The following TNS3 variants were observed in gnomAD, a reference collection of about 807,000 sequenced individuals.
The protein encoded by TNS3 is tensin-3.
TNS3 carries 45 observed loss-of-function variants against 140.9 expected under a neutral mutation model. The observed-to-expected ratio is 0.32, with a 90% CI of 0.25 to 0.41. The LOEUF (loss-of-function observed/expected upper bound fraction) is 0.41, where lower values mean the gene tolerates loss of function less well. Ranked by LOEUF, TNS3 falls within the 10% of genes least tolerant of loss-of-function variation. The probability of loss-of-function intolerance (pLI) is 1.00; values close to 1 mark genes in which losing one functional copy is unlikely to be tolerated. For missense variants in TNS3, 1,716 were observed against 1,906.7 expected, an observed-to-expected ratio of 0.90 and a Z score of 1.86; for synonymous variants, 815 against 788.4, an observed-to-expected ratio of 1.03 and a Z score of -0.56.
chr7:47,466,043 T>C (rs1796699446), intron 4 of TNS3, among the ~76,000 whole-genome samples: 1 of 152,202 alleles, frequency 6.6e-6, no homozygotes, highest in Admixed American at 6.5e-5. Flanking sequence ...ATCTAATTCA[T>C]GTTCAAATTT....
intron 2 of TNS3, among the ~76,000 whole-genome samples, chr7:47,526,502 C>T (rs147513886): frequency 5.1e-4 from 77 of 152,366 alleles, no homozygotes; most frequent in Non-Finnish European, 9.6e-4. Flanking sequence ...GCCCTTGGAA[C>T]AGCCCTTACC....
intron 20 of TNS3, among the ~76,000 whole-genome samples, chr7:47,306,915 T>C (rs1786792853): frequency 6.6e-6 from 1 of 152,218 alleles, no homozygotes; most frequent in Non-Finnish European, 1.5e-5. Flanking sequence ...ACAAAATGTC[T>C]GGAGTTATGC....
At chr7:47,464,263 A>G (rs962676808) in intron 4 of TNS3, among the ~76,000 whole-genome samples, 4 of 152,200 alleles carry the variant, frequency 2.6e-5, no homozygotes, top group Non-Finnish European at 5.9e-5. Context: ...TTCTAGGCAA[A>G]CACACTGAGG....
rs200370598 is a variant in TNS3, at chr7:47,411,800, T to C, written c.650A>G (p.Asn217Ser). 101 of 1,613,248 alleles carry C rather than the reference T, an allele frequency of 6.3e-5. No individual in the cohort carries two copies. The highest frequency in any genetic ancestry group is 1.7e-4 in the African/African-American group (13 of 74,894). Residue 217 changes from asparagine (N) to serine (S), a missense_variant and splice_region_variant, in exon 13 of 31, where the codon AAC becomes AGC. Coordinates refer to ENST00000311160, the MANE Select transcript of TNS3 (RefSeq NM_022748.12). ...MQPVYTSGIY[N>S]VGPENPSRIC... is the part of the protein sequence containing the mutation. Reference sequence around the variant, plus strand: ...CCTGCTGGGGTTTTCTGGGCCAACGTTGCTTTGGGATGAAGAAGAAGGTAG... The same window carrying C: ...CCTGCTGGGGTTTTCTGGGCCAACGCTGCTTTGGGATGAAGAAGAAGGTAG...
At chr7:47,560,488 A>G (rs1034342807) in intron 1 of TNS3, among the ~76,000 whole-genome samples, 12 of 152,126 alleles carry the variant, frequency 7.9e-5, no homozygotes, top group African/African-American at 2.4e-4. Flanking sequence ...TCTTCCATAA[A>G]TCTGCCCAAC....
intron 1 of TNS3, among the ~76,000 whole-genome samples, chr7:47,565,430 A>G (rs1800408875): frequency 6.7e-6 from 1 of 149,768 alleles, no homozygotes; most frequent in South Asian, 2.1e-4. Flanking sequence ...GCAGTGGTGC[A>G]ATTTCAGCTA....
At chr7:47,565,972 C>A (rs1285978305) in intron 1 of TNS3, among the ~76,000 whole-genome samples, 1 of 152,112 alleles carries the variant, frequency 6.6e-6, no homozygotes, top group Non-Finnish European at 1.5e-5. Flanking sequence ...TGCAAAGCCA[C>A]ATGGAACTTT....
At chr7:47,301,513 C>T (rs1323614248) in intron 23 of TNS3, among the ~76,000 whole-genome samples, 6 of 152,062 alleles carry the variant, frequency 3.9e-5, no homozygotes, top group Non-Finnish European at 8.8e-5. Flanking sequence ...GCAGGGCTGC[C>T]CAGAAGAGCT....
intron 20 of TNS3, among the ~76,000 whole-genome samples, chr7:47,321,266 T>C (rs1244267826): frequency 6.6e-6 from 1 of 152,248 alleles, no homozygotes; most frequent in Non-Finnish European, 1.5e-5. Context: ...CTCACTTTGC[T>C]GATGCAAGGG....
chr7:47,535,715 T>A (rs764554104), intron 1 of TNS3, among the ~76,000 whole-genome samples: 3 of 152,220 alleles, frequency 2.0e-5, no homozygotes, highest in Non-Finnish European at 4.4e-5. Flanking sequence ...AGGTCTCTTT[T>A]GAGAAAGAAA....
At chr7:47,345,170 T>C (rs1239251949) in intron 18 of TNS3, 132 bp from the exon 19 acceptor site, 2 of 683,016 alleles carry the variant, frequency 2.9e-6, no homozygotes, top group African/African-American at 1.8e-5. Context: ...ACAAGGAGGC[T>C]GAGGTCTGGA....
chr7:47,515,548 ACACCAT>A (rs1233816605), intron 2 of TNS3, among the ~76,000 whole-genome samples: 8 of 129,530 alleles, frequency 6.2e-5, no homozygotes, highest in African/African-American at 2.0e-4. Flanking sequence ...ACCATCAACC[ACACCAT>A]CACCATCATC....
At chr7:47,481,481 G>T (rs1052838259) in intron 3 of TNS3, among the ~76,000 whole-genome samples, 1 of 152,192 alleles carries the variant, frequency 6.6e-6, no homozygotes, top group Non-Finnish European at 1.5e-5. Context: ...CCGTGCTTGG[G>T]GAGCTTGGGA....
rs923374078 is a variant in TNS3 at position 47,480,707 on chromosome 7, A to C, written c.-76+396T>G. On this transcript the variant is annotated intron_variant, in intron 4 of 30. Transcript: ENST00000311160. ...ATTTGTCAGAGCTGGATGTCAGTCT[A>C]CAAACCACTGCACTACACTGTCCAC... Among the ~76,000 whole-genome samples the C allele has an allele frequency of 2.0e-5, 3 of 152,362 alleles. No homozygotes were observed. In the South Asian group the frequency reaches 6.2e-4, roughly 32 times the overall value.
intron 15 of TNS3, among the ~76,000 whole-genome samples, chr7:47,399,765 G>A (rs1343659910): frequency 6.6e-6 from 1 of 152,090 alleles, no homozygotes; most frequent in Non-Finnish European, 1.5e-5. Context: ...CATTTGCCTA[G>A]GCAAATAATC....
At chr7:47,336,694 T>C (rs1406054981) in intron 20 of TNS3, among the ~76,000 whole-genome samples, 3 of 152,204 alleles carry the variant, frequency 2.0e-5, no homozygotes, top group Admixed American at 6.5e-5. Flanking sequence ...ACACATTGCA[T>C]GCCTGTATCA....
chr7:47,424,783 GTGT>G (rs1794562906), intron 9 of TNS3, among the ~76,000 whole-genome samples: 1 of 152,224 alleles, frequency 6.6e-6, no homozygotes. Flanking sequence ...GGTTGGAAAG[GTGT>G]CTCAGGCCTC....
At chr7:47,530,855 A>ATATATATATATG (rs1387028985) in intron 1 of TNS3, among the ~76,000 whole-genome samples, 2 of 137,700 alleles carry the variant, frequency 1.5e-5, no homozygotes, top group Non-Finnish European at 3.1e-5. Flanking sequence ...ATATATATAT[A>ATATATATATATG]TATTTCTAGC....
chr7:47,542,131 T>C (rs58105060), intron 1 of TNS3, among the ~76,000 whole-genome samples: 46 of 152,190 alleles, frequency 3.0e-4, no homozygotes, highest in African/African-American at 1.1e-3. Flanking sequence ...TTAGAGAGAA[T>C]ACATAGTCTC....
Sources: gnomAD v4.1 joint callset for allele counts (sites outside exome capture counted in the v4.1 genomes callset) on GRCh38, gnomAD v4.1.1 for gene constraint, MANE v1.5 for transcripts, NCBI Gene and HGNC (gene_info 2026-07-23, HGNC 2026-07-21) for gene names.